IL1RAPL1: variants seen among roughly 807,000 people sequenced by gnomAD.
IL1RAPL1 encodes the protein interleukin-1 receptor accessory protein-like 1.
In IL1RAPL1, 3 loss-of-function variants were observed where a neutral mutation model predicts 48.4. That is an observed-to-expected ratio of 0.06 (90% CI 0.03 to 0.16). IL1RAPL1 has a LOEUF of 0.16. Ranked by LOEUF, IL1RAPL1 falls within the 10% of genes least tolerant of loss-of-function variation. The probability of loss-of-function intolerance (pLI) is 1.00; values close to 1 mark genes in which losing one functional copy is unlikely to be tolerated. For synonymous variants in IL1RAPL1, 185 were observed against 187.7 expected (o/e 0.99, Z 0.12); for missense variants, 349 against 530.6 (o/e 0.66, Z 3.36).
intron 3 of IL1RAPL1, among the ~76,000 whole-genome samples, chrX:29,316,317 G>T (rs775741352): frequency 8.9e-6 from 1 of 112,079 alleles, no homozygotes. Context: ...TTAGGCAAAA[G>T]TGGCCGATTT....
At chrX:29,319,160 G>GCCTGTCTGTCTATCTA (rs1555990506) in intron 3 of IL1RAPL1, among the ~76,000 whole-genome samples, 47 of 84,985 alleles carry the variant, frequency 5.5e-4, no homozygotes, top group African/African-American at 1.3e-3. Flanking sequence ...CTATCTGTCT[G>GCCTGTCTGTCTATCTA]TCTATCTATC....
At chrX:28,918,055 CTGT>C (rs895724652) in intron 2 of IL1RAPL1, among the ~76,000 whole-genome samples, 2 of 112,331 alleles carry the variant, frequency 1.8e-5, no homozygotes, top group African/African-American at 3.2e-5. Context: ...TCCTGTTTTG[CTGT>C]TGTTGTTCCT....
chrX:28,760,061 C>T (rs1352247285), intron 1 of IL1RAPL1, among the ~76,000 whole-genome samples: 4 of 111,617 alleles, frequency 3.6e-5, no homozygotes, highest in Non-Finnish European at 5.6e-5. Context: ...TTAAATACTT[C>T]GTTCCCTTTG....
chrX:29,449,776 CACACAG>C (rs1359196605), intron 5 of IL1RAPL1, among the ~76,000 whole-genome samples: 2 of 44,959 alleles, frequency 4.4e-5, no homozygotes, highest in Non-Finnish European at 8.0e-5. Flanking sequence ...CACACACACA[CACACAG>C]AGAGAGAGAG....
chrX:28,963,230 T>G (rs1346541765), intron 2 of IL1RAPL1, among the ~76,000 whole-genome samples: 1 of 111,663 alleles, frequency 9.0e-6, no homozygotes, highest in Non-Finnish European at 1.9e-5. Flanking sequence ...TTTATTCTTT[T>G]GAGTGCAACT....
At chrX:29,736,960 C>G (rs1248504093) in intron 6 of IL1RAPL1, among the ~76,000 whole-genome samples, 1 of 111,512 alleles carries the variant, frequency 9.0e-6, no homozygotes, top group African/African-American at 3.3e-5. Context: ...AAGCATGAAG[C>G]AAAAGGAAGA....
At chrX:29,102,005 G>C (rs908263838) in intron 2 of IL1RAPL1, among the ~76,000 whole-genome samples, 2 of 111,650 alleles carry the variant, frequency 1.8e-5, no homozygotes, top group Non-Finnish European at 3.8e-5. Flanking sequence ...ATGTGAGGAT[G>C]GTTCAACATA....
intron 6 of IL1RAPL1, among the ~76,000 whole-genome samples, chrX:29,816,640 C>T (rs1188464371): frequency 9.0e-6 from 1 of 110,754 alleles, no homozygotes; most frequent in Non-Finnish European, 1.9e-5. Flanking sequence ...AGACTATAGG[C>T]CAATATCTCT....
chrX:29,130,120 G>A (rs1242641572), intron 2 of IL1RAPL1, among the ~76,000 whole-genome samples: 8 of 111,468 alleles, frequency 7.2e-5, no homozygotes, highest in African/African-American at 2.6e-4. Context: ...ATGATACAAA[G>A]ACACTACCTT....
chrX:29,001,654 G>A (rs2147388371), intron 2 of IL1RAPL1, among the ~76,000 whole-genome samples: 1 of 111,655 alleles, frequency 9.0e-6, no homozygotes, highest in African/African-American at 3.2e-5. Flanking sequence ...GGTTAAATAA[G>A]TATATTTTTT....
At chrX:28,668,417 C>A (rs1165148236) in intron 1 of IL1RAPL1, among the ~76,000 whole-genome samples, 3 of 112,011 alleles carry the variant, frequency 2.7e-5, no homozygotes, top group African/African-American at 9.7e-5. Flanking sequence ...CACCACCATA[C>A]CCGGCTAATT....
Position 29,489,596 on chromosome X carries a change from A to G in IL1RAPL1, c.703+90288A>G, listed in dbSNP as rs1439192793. 3.6e-5 allele frequency among the ~76,000 whole-genome samples: 4 copies of G among 111,944 alleles called. No individual in the cohort carries two copies. The Admixed American group carries it at 3.8e-4, about 11-fold the overall frequency. Reference sequence around the variant, plus strand: ...CAAGTAATACATTTTTTCTTCAAAGAGTAGTTTCTTATAAAAATGTATAGT... The same window carrying G: ...CAAGTAATACATTTTTTCTTCAAAGGGTAGTTTCTTATAAAAATGTATAGT... On this transcript the variant is annotated intron_variant, in intron 5 of 10. Coordinates refer to ENST00000378993, the MANE Select transcript of IL1RAPL1 (RefSeq NM_014271.4).
chrX:28,692,523 G>T (rs906235012), intron 1 of IL1RAPL1, among the ~76,000 whole-genome samples: 2 of 111,517 alleles, frequency 1.8e-5, no homozygotes, highest in African/African-American at 6.5e-5. Flanking sequence ...TTACATTGTA[G>T]TAATTATATA....
At chrX:28,943,420 A>G (rs960199127) in intron 2 of IL1RAPL1, among the ~76,000 whole-genome samples, 3 of 110,247 alleles carry the variant, frequency 2.7e-5, no homozygotes, top group South Asian at 3.7e-4. Context: ...AGAATAATCT[A>G]TCAGTAATGT....
chrX:29,406,372 G>T (rs1602219852), intron 5 of IL1RAPL1, among the ~76,000 whole-genome samples: 1 of 101,453 alleles, frequency 9.9e-6, no homozygotes, highest in African/African-American at 3.4e-5. Context: ...CTGGGCGACA[G>T]AGCGAGACTC....
At chrX:29,094,771 CAAAAAAAAAAAAAAAAAA>C (rs1163805144) in intron 2 of IL1RAPL1, among the ~76,000 whole-genome samples, 1 of 5,907 alleles carries the variant, frequency 1.7e-4, no homozygotes, top group Admixed American at 4.7e-3. Context: ...AACTCCATCT[CAAAAAAAAAAAAAAAAAA>C]AAAAAAAAAA....
intron 3 of IL1RAPL1, among the ~76,000 whole-genome samples, chrX:29,333,968 C>CG (rs1932931102): frequency 1.4e-5 from 1 of 71,724 alleles, no homozygotes; most frequent in Admixed American, 1.3e-4. Flanking sequence ...GCTGGCCGGG[C>CG]GGGGGGCTGA....
chrX:28,640,176 G>A (rs1934516399), intron 1 of IL1RAPL1, among the ~76,000 whole-genome samples: 1 of 111,479 alleles, frequency 9.0e-6, no homozygotes, highest in Non-Finnish European at 1.9e-5. Context: ...ACTGAACGTT[G>A]CATACTATGA....
At chrX:29,565,323 T>TAA (rs58259760) in intron 5 of IL1RAPL1, among the ~76,000 whole-genome samples, 93 of 98,473 alleles carry the variant, frequency 9.4e-4, no homozygotes, top group African/African-American at 3.2e-3. Flanking sequence ...TAGCAGTTAC[T>TAA]AAAAAAAAAA....
Sources: allele counts gnomAD v4.1 joint callset (sites outside exome capture counted in the v4.1 genomes callset), GRCh38; gene constraint gnomAD v4.1.1; transcripts MANE v1.5; gene names NCBI Gene and HGNC (gene_info 2026-07-23, HGNC 2026-07-21).